The following KCTD8 variants were observed in gnomAD, a reference collection of about 807,000 sequenced individuals.
The protein encoded by KCTD8 is BTB/POZ domain-containing protein KCTD8.
A neutral mutation model predicts 31.5 loss-of-function variants in KCTD8; 27 were observed. That is an observed-to-expected ratio of 0.86 (90% CI 0.63 to 1.18). The LOEUF (loss-of-function observed/expected upper bound fraction) is 1.18, where lower values mean the gene tolerates loss of function less well. Ranked by LOEUF, KCTD8 falls within the 50% of genes most tolerant of loss-of-function variation. KCTD8 has a pLI of 0.00. For missense variants in KCTD8, 658 were observed against 647.7 expected (o/e 1.02, Z -0.17); for synonymous variants, 290 against 280.0 (o/e 1.04, Z -0.36).
chr4:44,333,623 C>T (rs1346957619), intron 1 of KCTD8, among the ~76,000 whole-genome samples: 1 of 152,052 alleles, frequency 6.6e-6, no homozygotes, highest in Non-Finnish European at 1.5e-5. Context: ...CATTTCCTCA[C>T]ACATTTATTA....
intron 1 of KCTD8, among the ~76,000 whole-genome samples, chr4:44,356,270 A>G (rs1206687358): frequency 6.6e-6 from 1 of 152,170 alleles, no homozygotes; most frequent in East Asian, 1.9e-4. Context: ...AAATATCCCA[A>G]GCAGTTTGCT....
At chr4:44,374,576 G>C (rs887865107) in intron 1 of KCTD8, among the ~76,000 whole-genome samples, 1 of 152,022 alleles carries the variant, frequency 6.6e-6, no homozygotes, top group African/African-American at 2.4e-5. Context: ...ATCTGTCTTG[G>C]GTTTTGACAC....
At chr4:44,300,569 G>T (rs1371261486) in intron 1 of KCTD8, among the ~76,000 whole-genome samples, 1 of 152,060 alleles carries the variant, frequency 6.6e-6, no homozygotes, top group Non-Finnish European at 1.5e-5. Flanking sequence ...CTATTAAAAG[G>T]TTACAGAAAA....
At chr4:44,321,466 T>C (rs565876966) in intron 1 of KCTD8, among the ~76,000 whole-genome samples, 1 of 152,310 alleles carries the variant, frequency 6.6e-6, no homozygotes, top group Admixed American at 6.5e-5. Context: ...TAGTTTGTTT[T>C]ATGTTTTTTT....
intron 1 of KCTD8, among the ~76,000 whole-genome samples, chr4:44,422,734 A>G (rs1336091352): frequency 6.6e-6 from 1 of 152,102 alleles, no homozygotes; most frequent in African/African-American, 2.4e-5. Flanking sequence ...TCAAATGCTG[A>G]GTTTAATTCC....
At chr4:44,212,160 G>T (rs558076250) in intron 1 of KCTD8, among the ~76,000 whole-genome samples, 1 of 151,992 alleles carries the variant, frequency 6.6e-6, no homozygotes, top group South Asian at 2.1e-4. Flanking sequence ...AGTGGCGAGG[G>T]TTACATAAAT....
intron 1 of KCTD8, among the ~76,000 whole-genome samples, chr4:44,436,472 T>C (rs1336503000): frequency 6.6e-6 from 1 of 152,106 alleles, no homozygotes; most frequent in Non-Finnish European, 1.5e-5. Flanking sequence ...TCCTGAGCTT[T>C]ATTTTTAAAA....
chr4:44,398,719 G>A (rs1290889333), intron 1 of KCTD8, among the ~76,000 whole-genome samples: 3 of 152,176 alleles, frequency 2.0e-5, no homozygotes, highest in Non-Finnish European at 4.4e-5. Context: ...GCTGTGTGGA[G>A]GGTAATCATT....
At chr4:44,232,782 A>C (rs1218717643) in intron 1 of KCTD8, among the ~76,000 whole-genome samples, 1 of 152,110 alleles carries the variant, frequency 6.6e-6, no homozygotes, top group Non-Finnish European at 1.5e-5. Flanking sequence ...CTAAGTTGAG[A>C]TATAAGTACA....
chr4:44,189,519 T>A (rs961338447), intron 1 of KCTD8, among the ~76,000 whole-genome samples: 1 of 151,328 alleles, frequency 6.6e-6, no homozygotes, highest in Non-Finnish European at 1.5e-5. Flanking sequence ...ATTATATAGA[T>A]CAACCATTAT....
chr4:44,198,444 G>A (rs1474553156), intron 1 of KCTD8, among the ~76,000 whole-genome samples: 1 of 152,092 alleles, frequency 6.6e-6, no homozygotes, highest in Non-Finnish European at 1.5e-5. Context: ...AACTCATGAG[G>A]CTAGCAGCAG....
At chr4:44,363,338 A>C (rs772614782) in intron 1 of KCTD8, among the ~76,000 whole-genome samples, 30 of 152,122 alleles carry the variant, frequency 2.0e-4, no homozygotes, top group Non-Finnish European at 4.0e-4. Flanking sequence ...CATATCTTTG[A>C]TGTGTTCCTA....
At chr4:44,270,333 T>C (rs938605021) in intron 1 of KCTD8, among the ~76,000 whole-genome samples, 11 of 137,328 alleles carry the variant, frequency 8.0e-5, no homozygotes, top group Admixed American at 2.6e-4. Context: ...TAGATGGGAA[T>C]TGAACAATGA....
chr4:44,384,649 T>A (rs945215392), intron 1 of KCTD8, among the ~76,000 whole-genome samples: 3 of 151,662 alleles, frequency 2.0e-5, no homozygotes, highest in African/African-American at 7.3e-5. Context: ...GAATAGGAAC[T>A]GGGAAAGGTT....
intron 1 of KCTD8, among the ~76,000 whole-genome samples, chr4:44,209,512 A>T (rs1421487438): frequency 1.3e-5 from 2 of 151,032 alleles, no homozygotes; most frequent in African/African-American, 4.9e-5. Flanking sequence ...ACACACACAC[A>T]CTCTCACACA....
chr4:44,422,732 T>C (rs1338962210), intron 1 of KCTD8, among the ~76,000 whole-genome samples: 1 of 152,082 alleles, frequency 6.6e-6, no homozygotes, highest in Admixed American at 6.6e-5. Context: ...TATCAAATGC[T>C]GAGTTTAATT....
Position 44,448,299 on chromosome 4 carries a change from C to A in KCTD8, c.225G>T (p.Ser75=), listed in dbSNP as rs1391509958. 2.5e-6 allele frequency: 4 copies of A among 1,606,812 alleles called. No homozygotes were observed. Among genetic ancestry groups the A allele is most frequent in the Non-Finnish European group, 3.4e-6 (4 of 1,177,526 alleles). ...GGGCGCCGCCACGGGGACTAGAGGG[C>A]GAGAACATGCTGGCCAAAGTACTGT... ...VPDSTLASMF[S]PSSPRGGARR... Residue 75 remains serine, a synonymous_variant, in exon 1 of 2, where the codon TCG becomes TCT. Coordinates refer to ENST00000360029, the MANE Select transcript of KCTD8 (RefSeq NM_198353.3). This position sits in a 1 kb window ranked among gnomAD's most constrained non-coding sequence, Gnocchi z 4.1.
At chr4:44,201,010 A>G (rs1234758762) in intron 1 of KCTD8, among the ~76,000 whole-genome samples, 1 of 152,092 alleles carries the variant, frequency 6.6e-6, no homozygotes, top group African/African-American at 2.4e-5. Context: ...GTTATGCATC[A>G]ATAATGACCA....
intron 1 of KCTD8, among the ~76,000 whole-genome samples, chr4:44,399,097 CAG>C (rs1297793883): frequency 6.6e-6 from 1 of 152,102 alleles, no homozygotes; most frequent in East Asian, 1.9e-4. Flanking sequence ...ATAAACATGA[CAG>C]AGCTACATCA....
Sources: allele counts gnomAD v4.1 joint callset (sites outside exome capture counted in the v4.1 genomes callset), GRCh38; gene constraint gnomAD v4.1.1; non-coding constraint Gnocchi (gnomAD v3.1); transcripts MANE v1.5; gene names NCBI Gene and HGNC (gene_info 2026-07-23, HGNC 2026-07-21).